PRTFDC1: variants seen among roughly 807,000 people sequenced by gnomAD.
The protein encoded by PRTFDC1 is phosphoribosyl transferase domain containing 1, also known as phosphoribosyltransferase domain-containing protein 1.
Under a neutral mutation model 34.6 loss-of-function variants are expected in PRTFDC1, and 38 were observed. That is an observed-to-expected ratio of 1.10 (90% confidence interval 0.85 to 1.44). The LOEUF (loss-of-function observed/expected upper bound fraction) is 1.44, where lower values mean the gene tolerates loss of function less well. PRTFDC1 is among the 40% of genes most tolerant of loss of function. The pLI is 0.00. For missense variants in PRTFDC1, 270 were observed against 283.0 expected (o/e 0.95, Z 0.33); for synonymous variants, 93 against 98.1 (o/e 0.95, Z 0.31).
At chr10:24,933,045 C>T (rs558480242) in intron 3 of PRTFDC1, among the ~76,000 whole-genome samples, 4 of 151,948 alleles carry the variant, frequency 2.6e-5, no homozygotes, top group Admixed American at 6.6e-5. Context: ...CTGGAATAAT[C>T]GAACACTTCA....
chr10:24,880,151 C>T (rs1034978427), intron 3 of PRTFDC1, among the ~76,000 whole-genome samples: 12 of 152,092 alleles, frequency 7.9e-5, no homozygotes, highest in Admixed American at 1.3e-4. Context: ...TGAATTAGTA[C>T]GCATTAAGCA....
chr10:24,855,230 T>A, intron 7 of PRTFDC1, 88 bp downstream of exon 7: 1 of 1,361,330 alleles, frequency 7.3e-7, no homozygotes, highest in Non-Finnish European at 1.0e-6. Context: ...TGCTGTCAAA[T>A]AGGAAACCAA....
intron 3 of PRTFDC1, among the ~76,000 whole-genome samples, chr10:24,886,018 A>G (rs1026845920): frequency 2.0e-5 from 3 of 152,136 alleles, no homozygotes; most frequent in African/African-American, 7.2e-5. Flanking sequence ...AAAACACAGG[A>G]TTTTCAGGGC....
intron 3 of PRTFDC1, among the ~76,000 whole-genome samples, chr10:24,877,162 T>G (rs1364307337): frequency 6.6e-6 from 1 of 152,100 alleles, no homozygotes; most frequent in Non-Finnish European, 1.5e-5. Context: ...GCTGAGTCAG[T>G]GCTCTTCCTT....
intron 1 of PRTFDC1, among the ~76,000 whole-genome samples, 161 bp from the exon 2 acceptor site, chr10:24,942,597 A>G (rs1564320654): frequency 1.3e-5 from 2 of 152,324 alleles, no homozygotes; most frequent in South Asian, 2.1e-4. Flanking sequence ...GCAGTACTAA[A>G]GTGAACAGAG....
chr10:24,949,720 TTTA>T (rs1849307108), intron 1 of PRTFDC1, among the ~76,000 whole-genome samples: 6 of 103,904 alleles, frequency 5.8e-5, no homozygotes, highest in African/African-American at 2.2e-4. Flanking sequence ...TTTTTGTTTA[TTTA>T]TTTATTTATT....
At chr10:24,934,431 A>G (rs1454635760) in intron 3 of PRTFDC1, among the ~76,000 whole-genome samples, 3 of 152,158 alleles carry the variant, frequency 2.0e-5, no homozygotes, top group East Asian at 1.9e-4. Flanking sequence ...GAAGCCAGAC[A>G]TGCCTCGTGA....
At chr10:24,904,494 A>G (rs999245696) in intron 3 of PRTFDC1, among the ~76,000 whole-genome samples, 1 of 152,158 alleles carries the variant, frequency 6.6e-6, no homozygotes, top group Non-Finnish European at 1.5e-5. Context: ...TAGGTGTGCT[A>G]GTCTTTGGGA....
intron 4 of PRTFDC1, among the ~76,000 whole-genome samples, chr10:24,865,691 T>C (rs75604132): frequency 0.01 from 1,541 of 152,308 alleles, 22 homozygotes; most frequent in African/African-American, 0.034. Flanking sequence ...ACCTACATGA[T>C]ATTCTTAAAT....
chr10:24,908,839 C>A, intron 3 of PRTFDC1: 1 of 1,234,880 alleles, frequency 8.1e-7, no homozygotes, highest in Non-Finnish European at 1.1e-6. Context: ...CCATTTGATT[C>A]CAGCCACCTC....
Position 24,952,419 on chromosome 10 carries a change from G to A in PRTFDC1, c.48+109C>T, listed in dbSNP as rs1288371988. The A allele has an allele frequency of 1.6e-6, 2 of 1,274,334 alleles. No homozygotes were observed. Among genetic ancestry groups the A allele is most frequent in the Admixed American group, 4.0e-5 (2 of 49,400 alleles). 78.9% of individuals were successfully genotyped at this position (1,274,334 alleles called of 1,614,324 possible). A position where few individuals can be genotyped will look rare whatever the true frequency, so the allele number is the denominator to read the frequency against. On this transcript the variant is annotated intron_variant, in intron 1 of 8. Coordinates refer to ENST00000320152, the MANE Select transcript of PRTFDC1 (RefSeq NM_020200.7). This position sits in a 1 kb window ranked among gnomAD's most constrained non-coding sequence, Gnocchi z 5.1. ...GATCCCCGCCGGGAGGGAGAACAAA[G>A]CGGTGGCCCTCTCTCTCCCCCGACG... is the stretch of plus-strand genomic sequence containing the variant.
chr10:24,893,618 G>T (rs764255207), intron 3 of PRTFDC1, among the ~76,000 whole-genome samples: 1 of 152,116 alleles, frequency 6.6e-6, no homozygotes, highest in Admixed American at 6.5e-5. Flanking sequence ...TCATTTTCTT[G>T]TAACTAGAAG....
At chr10:24,932,382 A>G (rs1848985543) in intron 3 of PRTFDC1, among the ~76,000 whole-genome samples, 1 of 152,022 alleles carries the variant, frequency 6.6e-6, no homozygotes, top group African/African-American at 2.4e-5. Context: ...TAAGGAAGAA[A>G]TTATTATCTT....
chr10:24,915,304 G>T (rs1187791549), intron 3 of PRTFDC1, among the ~76,000 whole-genome samples: 1 of 152,100 alleles, frequency 6.6e-6, no homozygotes, highest in Non-Finnish European at 1.5e-5. Context: ...CCTGACATTT[G>T]GACAGGGAAA....
At chr10:24,919,982 G>A (rs1469545718) in intron 3 of PRTFDC1, among the ~76,000 whole-genome samples, 1 of 152,090 alleles carries the variant, frequency 6.6e-6, no homozygotes, top group Non-Finnish European at 1.5e-5. Flanking sequence ...GATAGATGCT[G>A]GTGAGGCTAT....
At chr10:24,862,234 C>T (rs551871195) in intron 4 of PRTFDC1, among the ~76,000 whole-genome samples, 1 of 152,180 alleles carries the variant, frequency 6.6e-6, no homozygotes, top group East Asian at 1.9e-4. Flanking sequence ...CATATAAAGC[C>T]TACTATATAT....
At chr10:24,916,311 C>A (rs1417735903) in intron 3 of PRTFDC1, among the ~76,000 whole-genome samples, 1 of 152,178 alleles carries the variant, frequency 6.6e-6, no homozygotes, top group African/African-American at 2.4e-5. Flanking sequence ...AACCTTTACC[C>A]CTTTCATTCT....
intron 4 of PRTFDC1, among the ~76,000 whole-genome samples, chr10:24,868,795 AT>A (rs5783907): frequency 0.58 from 86,778 of 148,810 alleles, 26,081 homozygotes; most frequent in Non-Finnish European, 0.68. Flanking sequence ...TTCCTTTTAC[AT>A]TTTTTTTTTT....
intron 4 of PRTFDC1, among the ~76,000 whole-genome samples, chr10:24,862,653 C>T (rs1391907761): frequency 6.6e-6 from 1 of 151,822 alleles, no homozygotes; most frequent in East Asian, 2.0e-4. Context: ...CTTTATTGCA[C>T]CTTACAGAGA....
Sources: gnomAD v4.1 joint callset for allele counts (sites outside exome capture counted in the v4.1 genomes callset) on GRCh38, gnomAD v4.1.1 for gene constraint, Gnocchi (gnomAD v3.1) non-coding constraint, MANE v1.5 for transcripts, NCBI Gene and HGNC (gene_info 2026-07-23, HGNC 2026-07-21) for gene names.